The following ASIC2 variants were observed in gnomAD, a reference collection of about 807,000 sequenced individuals.
ASIC2 encodes acid sensing ion channel subunit 2, also known as acid-sensing ion channel 2.
A neutral mutation model predicts 57.3 loss-of-function variants in ASIC2; 25 were observed. The observed-to-expected ratio is 0.44, with a 90% confidence interval of 0.32 to 0.61. The LOEUF is 0.61. Ranked by LOEUF, ASIC2 falls within the 20% of genes least tolerant of loss-of-function variation. The pLI is 0.06. For missense variants in ASIC2, 641 were observed against 738.1 expected (o/e 0.87, Z 1.52); for synonymous variants, 319 against 307.5 (o/e 1.04, Z -0.39).
rs1258353101 is a variant in ASIC2 at position 34,112,696 on chromosome 17, ATAAGGCCTTGTTACAGGCTGGGTAGT to A, written c.555+43256_555+43281del. Among the ~76,000 whole-genome samples the A allele has an allele frequency of 7.2e-5, 11 of 152,236 alleles. No homozygotes were observed. The East Asian group carries it at 2.1e-3, about 29-fold the overall frequency. ...CCCTGGTCCTCTGGGCATTTACAAG[ATAAGGCCTTGTTACAGGCTGGGTAGT>A]GATGCTCCCTGAAGCCTCTTAGGAT... On this transcript the variant is annotated intron_variant, in intron 1 of 9. Coordinates refer to the ASIC2 transcript ENST00000359872.
At chr17:33,044,560 C>T (rs1035606217) in intron 3 of ASIC2, among the ~76,000 whole-genome samples, 1 of 152,062 alleles carries the variant, frequency 6.6e-6, no homozygotes, top group Admixed American at 6.6e-5. Context: ...TGGGGTTTCA[C>T]CATGTTGGTC....
intron 1 of ASIC2, among the ~76,000 whole-genome samples, chr17:33,941,984 C>T (rs1017514982): frequency 6.6e-6 from 1 of 152,112 alleles, no homozygotes; most frequent in Non-Finnish European, 1.5e-5. Flanking sequence ...TCCCACAGAG[C>T]GTTTTCAGGG....
rs533079107 is a variant in ASIC2 at position 34,125,805 on chromosome 17, A to G, written c.555+30173T>C. On this transcript the variant is annotated intron_variant, in intron 1 of 9. Coordinates refer to the ASIC2 transcript ENST00000359872. ...TCCACAATACCACAGCCGCTAAGAC[A>G]TGGTTTGCGGGTGAGCTGGAGCTTC... Among the ~76,000 whole-genome samples the G allele has an allele frequency of 1.8e-4, 27 of 152,296 alleles. No individual in the cohort carries two copies. In the East Asian group the frequency reaches 4.8e-3, roughly 27 times the overall value.
At chr17:33,409,523 G>T (rs1910582906) in intron 1 of ASIC2, among the ~76,000 whole-genome samples, 1 of 152,216 alleles carries the variant, frequency 6.6e-6, no homozygotes, top group African/African-American at 2.4e-5. Context: ...GATGCGTGAA[G>T]TTGGCATCAG....
At chr17:33,449,430 A>T (rs1912163861) in intron 1 of ASIC2, among the ~76,000 whole-genome samples, 2 of 152,252 alleles carry the variant, frequency 1.3e-5, no homozygotes, top group South Asian at 4.1e-4. Flanking sequence ...TCAAGATGTC[A>T]TTATCACCTG....
intron 1 of ASIC2, among the ~76,000 whole-genome samples, chr17:33,594,701 G>T (rs1247571166): frequency 1.3e-5 from 2 of 151,956 alleles, no homozygotes; most frequent in South Asian, 2.1e-4. Flanking sequence ...GCTGGCGGGC[G>T]CCTGTAGTCC....
chr17:33,849,292 T>C lies in ASIC2; in HGVS notation c.555+306686A>G, dbSNP rs575036535. On this transcript the variant is annotated intron_variant, in intron 1 of 9. Coordinates refer to the ASIC2 transcript ENST00000359872. ...GGAAGAGCAAGCATGAAGGACTTGC[T>C]GTCCGCTATTAGCAGACACTGGCTG... Among the ~76,000 whole-genome samples, 40 of 152,332 alleles carry C rather than the reference T, an allele frequency of 2.6e-4. No homozygotes were observed. The South Asian group carries it at 7.3e-3, about 28-fold the overall frequency.
intron 1 of ASIC2, among the ~76,000 whole-genome samples, chr17:33,478,064 C>T (rs2141924699): frequency 6.6e-6 from 1 of 152,226 alleles, no homozygotes; most frequent in Non-Finnish European, 1.5e-5. Flanking sequence ...TTGCCAAATG[C>T]CTACTGACCC....
intron 1 of ASIC2, among the ~76,000 whole-genome samples, chr17:33,498,168 G>T: frequency 6.6e-6 from 1 of 152,238 alleles, no homozygotes; most frequent in East Asian, 1.9e-4. Flanking sequence ...TGTGCTCACA[G>T]TTGCTTCACT....
intron 1 of ASIC2, among the ~76,000 whole-genome samples, chr17:33,457,007 A>G (rs1273258380): frequency 6.6e-6 from 1 of 152,182 alleles, no homozygotes; most frequent in Non-Finnish European, 1.5e-5. Flanking sequence ...GGCTCCCTGC[A>G]TAGTAGCTGT....
chr17:33,835,965 A>G (rs1287794245), intron 1 of ASIC2, among the ~76,000 whole-genome samples: 4 of 150,962 alleles, frequency 2.6e-5, no homozygotes, highest in Admixed American at 1.3e-4. Flanking sequence ...TACTAATTAT[A>G]TATTATATAA....
At chr17:33,304,831 C>T (rs909165766) in intron 1 of ASIC2, among the ~76,000 whole-genome samples, 1 of 152,016 alleles carries the variant, frequency 6.6e-6, no homozygotes, top group Non-Finnish European at 1.5e-5. Context: ...GTGCGTCTGC[C>T]GTCTGTTCTT....
At chr17:33,374,648 AC>A (rs1402240264) in intron 1 of ASIC2, among the ~76,000 whole-genome samples, 21 of 152,320 alleles carry the variant, frequency 1.4e-4, no homozygotes, top group Middle Eastern at 3.4e-3. Context: ...GGCAGGAAGA[AC>A]CCAACAGGTA....
chr17:33,493,322 G>A (rs997090738), intron 1 of ASIC2, among the ~76,000 whole-genome samples: 15 of 152,136 alleles, frequency 9.9e-5, no homozygotes, highest in Non-Finnish European at 1.5e-4. Flanking sequence ...CCCTTTAAAA[G>A]TTTTGTTTTG....
intron 1 of ASIC2, among the ~76,000 whole-genome samples, chr17:33,265,065 T>C (rs1406596051): frequency 6.6e-6 from 1 of 152,248 alleles, no homozygotes; most frequent in Non-Finnish European, 1.5e-5. Context: ...TGTGTGGCCT[T>C]CACTGAGTTT....
intron 1 of ASIC2, among the ~76,000 whole-genome samples, chr17:33,122,404 G>C (rs796340627): frequency 2.0e-5 from 3 of 152,102 alleles, no homozygotes; most frequent in African/African-American, 7.2e-5. Flanking sequence ...GATAAAACTA[G>C]CTAATAATAT....
At chr17:33,751,044 G>C (rs1487228199) in intron 1 of ASIC2, among the ~76,000 whole-genome samples, 1 of 152,146 alleles carries the variant, frequency 6.6e-6, no homozygotes, top group African/African-American at 2.4e-5. Context: ...AGATGGGAGG[G>C]TTGAGTTTGT....
intron 1 of ASIC2, among the ~76,000 whole-genome samples, chr17:33,742,284 A>G (rs1693328553): frequency 6.6e-6 from 1 of 152,202 alleles, no homozygotes; most frequent in South Asian, 2.1e-4. Context: ...TGCTGTGGTC[A>G]TTAAGCCTCT....
chr17:33,208,099 C>T (rs913360118), intron 1 of ASIC2, among the ~76,000 whole-genome samples: 4 of 152,130 alleles, frequency 2.6e-5, no homozygotes, highest in South Asian at 4.1e-4. Context: ...GAGGCTGTGT[C>T]CTATCCCCTG....
Sources: allele counts gnomAD v4.1 joint callset (sites outside exome capture counted in the v4.1 genomes callset), GRCh38; gene constraint gnomAD v4.1.1; transcripts MANE v1.5; gene names NCBI Gene and HGNC (gene_info 2026-07-23, HGNC 2026-07-21).